The following ARFGEF3 variants were observed in gnomAD, a reference collection of about 807,000 sequenced individuals.
ARFGEF3 encodes ARFGEF family member 3.
Under a neutral mutation model 221.7 loss-of-function variants are expected in ARFGEF3, and 96 were observed. The observed-to-expected ratio is 0.43, with a 90% CI of 0.37 to 0.51. The LOEUF (loss-of-function observed/expected upper bound fraction) is 0.51, where lower values mean the gene tolerates loss of function less well. ARFGEF3 is among the 20% of genes least tolerant of loss of function. The pLI is 0.00. For missense variants in ARFGEF3, 2,410 were observed against 2,789.9 expected (o/e 0.86, Z 3.07); for synonymous variants, 1,145 against 1,126.8 (o/e 1.02, Z -0.32).
chr6:138,268,739 C>T (rs1035439588), intron 12 of ARFGEF3, among the ~76,000 whole-genome samples: 12 of 152,182 alleles, frequency 7.9e-5, no homozygotes, highest in African/African-American at 2.2e-4. Flanking sequence ...CAAGGGTCAT[C>T]GGCACTGACT....
At chr6:138,191,635 C>T (rs78334128) in intron 2 of ARFGEF3, among the ~76,000 whole-genome samples, 2 of 152,272 alleles carry the variant, frequency 1.3e-5, no homozygotes, top group East Asian at 3.9e-4. Flanking sequence ...TAAATTTTTC[C>T]TTAGCTCCAG....
intron 7 of ARFGEF3, 118 bp downstream of exon 7, chr6:138,243,112 T>C (rs1778424429): frequency 2.4e-6 from 2 of 817,736 alleles, no homozygotes; most frequent in Non-Finnish European, 2.1e-6. Context: ...TACCATTCTC[T>C]TGGAGGTTGT....
intron 2 of ARFGEF3, among the ~76,000 whole-genome samples, chr6:138,186,804 A>G (rs1562346245): frequency 2.0e-5 from 3 of 152,004 alleles, no homozygotes; most frequent in Non-Finnish European, 4.4e-5. Context: ...ATAAAAGAAA[A>G]GGGCCTGTTT....
At chr6:138,198,720 T>G (rs1777478630) in intron 2 of ARFGEF3, among the ~76,000 whole-genome samples, 1 of 152,230 alleles carries the variant, frequency 6.6e-6, no homozygotes, top group Admixed American at 6.5e-5. Flanking sequence ...CCAAACTGCC[T>G]ACACCTTCTC....
intron 2 of ARFGEF3, among the ~76,000 whole-genome samples, chr6:138,197,413 A>G (rs9376331): frequency 0.074 from 11,226 of 152,286 alleles, 810 homozygotes; most frequent in East Asian, 0.38. Context: ...TAAAATAATG[A>G]TAAGAATATA....
In ARFGEF3 at chr6:138,255,557, G is replaced by C. The variant is rs775253296; in HGVS notation, c.892G>C (p.Val298Leu). Residue 298 changes from valine (V) to leucine (L), a missense_variant, in exon 10 of 34, where the codon GTG becomes CTG. By Grantham distance (32) the Val-to-Leu change is conservative. This residue lies in a region of ARFGEF3 where 570 missense variants were observed against 586.9 expected (regional missense o/e 0.97). Transcript: ENST00000251691. Reference protein sequence around the residue: ...SLESDSASPGVSDHGRGSGCS... With the variant: ...SLESDSASPGLSDHGRGSGCS... ...GGAGTCGGACTCTGCGTCTCCGGGAGTGTCTGACCACGGCCGAGGATCAGG... is the reference window on the plus strand; with the variant it reads ...GGAGTCGGACTCTGCGTCTCCGGGACTGTCTGACCACGGCCGAGGATCAGG... 1.2e-6 allele frequency: 2 copies of C among 1,614,046 alleles called. No homozygotes were observed. The highest frequency in any genetic ancestry group is 2.2e-5 in the South Asian group (2 of 91,084).
chr6:138,255,429 T>C lies in ARFGEF3; in HGVS notation c.771-7T>C. 6.4e-7 allele frequency: 1 copy of C among 1,568,012 alleles called. No individual in the cohort carries two copies. The highest frequency in any genetic ancestry group is 8.7e-7 in the Non-Finnish European group (1 of 1,149,260). The stretch of plus-strand genomic sequence containing the variant: ...GGAAAGTTACTTTTCTCACCATCTC[T>C]TCCCAGGAAAAACCTCTGCCCTGCT... On this transcript the variant is annotated splice_region_variant and splice_polypyrimidine_tract_variant and intron_variant, in intron 9 of 33. Transcript: ENST00000251691.
intron 5 of ARFGEF3, among the ~76,000 whole-genome samples, chr6:138,235,693 C>T (rs1778271998): frequency 6.6e-6 from 1 of 152,018 alleles, no homozygotes. Context: ...ACTAGTTTAC[C>T]AATATATTAT....
chr6:138,263,058 C>G lies in ARFGEF3; in HGVS notation c.1575C>G (p.Pro525=). ...AGGGAGAGTTGGGTCAGACTACACC[C>G]GAGGACCATTCGGGAAACCACAAGA... ...TLEGELGQTT[P]EDHSGNHKNS... Residue 525 remains proline, a synonymous_variant, in exon 12 of 34, where the codon CCC becomes CCG. Transcript: ENST00000251691. 3 of 1,612,916 alleles carry G rather than the reference C, an allele frequency of 1.9e-6. No individual in the cohort carries two copies. The highest frequency in any genetic ancestry group is 2.5e-6 in the Non-Finnish European group (3 of 1,179,434).
In ARFGEF3 at chr6:138,263,430, C is replaced by T. The variant is rs777442726; in HGVS notation, c.1947C>T (p.Gly649=). Reference sequence around the variant, plus strand: ...AGCAGACACCCCGGGACTGCCTAGGCCACCGGTCCCTGCGAACTGCCGCCC... The same window carrying T: ...AGCAGACACCCCGGGACTGCCTAGGTCACCGGTCCCTGCGAACTGCCGCCC... ...DEEQTPRDCL[G]HRSLRTAALS... Residue 649 remains glycine (G), a synonymous_variant, in exon 12 of 34, where the codon GGC becomes GGT. Transcript: ENST00000251691. 7 of 1,613,868 alleles carry T rather than the reference C, an allele frequency of 4.3e-6. No individual in the cohort carries two copies. The Admixed American group carries it at 6.7e-5, about 15-fold the overall frequency.
At chr6:138,203,576 A>T (rs1022278256) in intron 2 of ARFGEF3, among the ~76,000 whole-genome samples, 1 of 152,224 alleles carries the variant, frequency 6.6e-6, no homozygotes, top group African/African-American at 2.4e-5. Context: ...TGGATGGTTG[A>T]ATGATGGAGT....
intron 18 of ARFGEF3, 77 bp downstream of exon 18, chr6:138,290,045 A>AGGGGT (rs1485071777): frequency 6.8e-7 from 1 of 1,464,774 alleles, no homozygotes; most frequent in Non-Finnish European, 9.2e-7. Flanking sequence ...GCAGGTGGAG[A>AGGGGT]GGGGTGGCCT....
intron 4 of ARFGEF3, among the ~76,000 whole-genome samples, chr6:138,224,531 C>T (rs1583020763): frequency 6.6e-6 from 1 of 152,358 alleles, no homozygotes; most frequent in Non-Finnish European, 1.5e-5. Flanking sequence ...ATTGTCTACA[C>T]ATTTTACAAT....
rs1780425623 is a variant in ARFGEF3, at chr6:138,341,230, A to T, written c.*4744A>T. ...CTTTACTTGCTTCTCTGGGAAATAC[A>T]TGGTACTAAATTAGTAGCACAAAGT... On this transcript the variant is annotated 3_prime_UTR_variant, in exon 34 of 34. Coordinates refer to ENST00000251691, the MANE Select transcript of ARFGEF3 (RefSeq NM_020340.5). 6.5e-6 allele frequency: 1 copy of T among 154,528 alleles called. No homozygotes were observed. The highest frequency in any genetic ancestry group is 2.4e-5 in the African/African-American group (1 of 41,530). The allele number at this position is 154,528 out of a possible 1,614,324, so 9.6% of individuals were successfully genotyped here.
chr6:138,325,411 C>T (rs75274880), intron 31 of ARFGEF3, among the ~76,000 whole-genome samples: 3,872 of 152,332 alleles, frequency 0.025, 74 homozygotes, highest in South Asian at 0.043. Flanking sequence ...TTTCTCACAT[C>T]TCTGCTGAAC....
chr6:138,315,723 C>G (rs915476538), intron 26 of ARFGEF3, among the ~76,000 whole-genome samples: 1 of 151,694 alleles, frequency 6.6e-6, no homozygotes, highest in Non-Finnish European at 1.5e-5. Context: ...GGTGGGGGGG[C>G]GCCTGTAATC....
At chr6:138,299,792 A>G (rs1315551207) in intron 22 of ARFGEF3, among the ~76,000 whole-genome samples, 1 of 152,268 alleles carries the variant, frequency 6.6e-6, no homozygotes, top group African/African-American at 2.4e-5. Context: ...ATTAAAACAA[A>G]CTTCCTGAGG....
intron 4 of ARFGEF3, among the ~76,000 whole-genome samples, chr6:138,210,674 C>G (rs1032291886): frequency 6.6e-6 from 1 of 152,124 alleles, no homozygotes; most frequent in Admixed American, 6.5e-5. Context: ...AGGACAGAAA[C>G]TCTGCCCCGT....
intron 26 of ARFGEF3, among the ~76,000 whole-genome samples, chr6:138,316,604 C>T (rs1779930131): frequency 6.6e-6 from 1 of 152,188 alleles, no homozygotes; most frequent in African/African-American, 2.4e-5. Context: ...CATAGCATTT[C>T]ATCTGTAGAT....
Sources: allele counts gnomAD v4.1 joint callset (sites outside exome capture counted in the v4.1 genomes callset), GRCh38; gene constraint gnomAD v4.1.1; regional missense constraint gnomAD v4.1.1; transcripts MANE v1.5; gene names NCBI Gene and HGNC (gene_info 2026-07-23, HGNC 2026-07-21).